The following ADGRL3 variants were observed in gnomAD, a reference collection of about 807,000 sequenced individuals.
ADGRL3 encodes calcium-independent alpha-latrotoxin receptor 3.
In ADGRL3, 62 loss-of-function variants were observed where a neutral mutation model predicts 153.5. That is an observed-to-expected ratio of 0.40 (90% CI 0.33 to 0.50). The LOEUF is 0.50. Ranked by LOEUF, ADGRL3 falls within the 20% of genes least tolerant of loss-of-function variation. The probability of loss-of-function intolerance (pLI) is 0.47; values close to 1 mark genes in which losing one functional copy is unlikely to be tolerated. For synonymous variants in ADGRL3, 710 were observed against 672.5 expected (o/e 1.06, Z -0.86); for missense variants, 1,641 against 1,859.4 (o/e 0.88, Z 2.16).
At chr4:61,951,676 G>A (rs925203159) in intron 17 of ADGRL3, among the ~76,000 whole-genome samples, 15 of 152,064 alleles carry the variant, frequency 9.9e-5, no homozygotes, top group South Asian at 4.2e-4. Flanking sequence ...GACCAGCCTC[G>A]GCAACATGGC....
intron 5 of ADGRL3, among the ~76,000 whole-genome samples, chr4:61,608,951 G>T (rs1204638385): frequency 6.6e-6 from 1 of 152,118 alleles, no homozygotes; most frequent in Non-Finnish European, 1.5e-5. Context: ...GGAATTGCTT[G>T]CTTAAGATTA....
chr4:61,538,582 G>C (rs890992713), intron 4 of ADGRL3, among the ~76,000 whole-genome samples: 2 of 152,110 alleles, frequency 1.3e-5, no homozygotes, highest in Non-Finnish European at 2.9e-5. Context: ...TGGGATTACA[G>C]GCATGCACCA....
At chr4:61,394,860 G>A (rs1317261613) in intron 2 of ADGRL3, among the ~76,000 whole-genome samples, 1 of 152,050 alleles carries the variant, frequency 6.6e-6, no homozygotes, top group Non-Finnish European at 1.5e-5. Flanking sequence ...TGGCTTTGCT[G>A]CCAAAATTCT....
chr4:61,401,188 T>G (rs1002769680), intron 2 of ADGRL3, among the ~76,000 whole-genome samples: 3 of 151,898 alleles, frequency 2.0e-5, no homozygotes, highest in African/African-American at 7.2e-5. Flanking sequence ...ACTTTCATTT[T>G]TATTAAGTTA....
chr4:61,301,276 C>T (rs1471345704), intron 1 of ADGRL3, among the ~76,000 whole-genome samples: 2 of 152,104 alleles, frequency 1.3e-5, no homozygotes, highest in African/African-American at 2.4e-5. Flanking sequence ...AATTCATTTT[C>T]CATTTTTATC....
rs867460900 is a variant in ADGRL3, at chr4:61,371,207, A to C, written c.-239-11917A>C. Among the ~76,000 whole-genome samples the C allele has an allele frequency of 1.3e-4, 20 of 151,636 alleles. 1 individual carries two copies. Among genetic ancestry groups the C allele is most frequent in the African/African-American group, 4.8e-4 (20 of 41,302 alleles). On this transcript the variant is annotated intron_variant, in intron 1 of 26. Transcript: ENST00000683033. Reference sequence around the variant, plus strand: ...CCAATTTGCCAGTCTGTGTCTTTTAATTGGAGGATTTAGTCCATTTACATT... The same window carrying C: ...CCAATTTGCCAGTCTGTGTCTTTTACTTGGAGGATTTAGTCCATTTACATT...
At position 62,037,437 on chromosome 4, in the gene ADGRL3, A is replaced by G. The variant is rs367880239; in HGVS notation, c.3592-294A>G. ...TAGTATCTTCAATGGGCTTAAGTAT[A>G]TGTTCTTGGAACTAAGAGAAAGTAC... On this transcript the variant is annotated intron_variant, in intron 23 of 26. Transcript: ENST00000683033. 9.5e-4 allele frequency among the ~76,000 whole-genome samples: 144 copies of G among 152,180 alleles called. 2 individuals carry two copies. In the South Asian group the frequency reaches 0.028, roughly 29 times the overall value.
At chr4:61,934,742 C>A in intron 13 of ADGRL3, 98 bp from the exon 14 acceptor site, 3 of 853,558 alleles carry the variant, frequency 3.5e-6, no homozygotes, top group Non-Finnish European at 1.9e-6. Flanking sequence ...CATGCACACA[C>A]TGCTGATCCT....
At chr4:61,427,219 A>G (rs572618343) in intron 2 of ADGRL3, 9 of 152,560 alleles carry the variant, frequency 5.9e-5, no homozygotes, top group Admixed American at 1.3e-4. Context: ...CCACATACCC[A>G]TTTCCTGAAT....
At chr4:61,868,114 A>T (rs937488172) in intron 9 of ADGRL3, among the ~76,000 whole-genome samples, 3 of 152,138 alleles carry the variant, frequency 2.0e-5, no homozygotes, top group African/African-American at 7.2e-5. Context: ...GGAGATATAT[A>T]TATGTGTGTG....
chr4:61,305,209 A>G (rs2094732671), intron 1 of ADGRL3, among the ~76,000 whole-genome samples: 1 of 152,100 alleles, frequency 6.6e-6, no homozygotes, highest in Non-Finnish European at 1.5e-5. Flanking sequence ...TCTATAATAA[A>G]TAAGATACAC....
chr4:61,825,279 A>C (rs562356142), intron 9 of ADGRL3, among the ~76,000 whole-genome samples: 1 of 152,308 alleles, frequency 6.6e-6, no homozygotes, highest in African/African-American at 2.4e-5. Context: ...ACAGTGCCTC[A>C]GATTTTCCAA....
At chr4:61,373,221 T>C (rs957054238) in intron 1 of ADGRL3, among the ~76,000 whole-genome samples, 3 of 152,230 alleles carry the variant, frequency 2.0e-5, no homozygotes, top group Admixed American at 1.3e-4. Context: ...AGACCGGAGC[T>C]GTTCCTATTC....
chr4:61,792,464 CTTTATTTA>C lies in ADGRL3; in HGVS notation c.1400-21325_1400-21318del, dbSNP rs1229605320. Among the ~76,000 whole-genome samples, 349 of 149,330 alleles carry C rather than the reference CTTTATTTA, an allele frequency of 2.3e-3. 5 individuals carry two copies. Among genetic ancestry groups the C allele is most frequent in the Non-Finnish European group, 1.3e-3 (90 of 67,642 alleles). On this transcript the variant is annotated intron_variant, in intron 8 of 26. Transcript: ENST00000683033. ...GTATCTAGGAAGTTCCAAACTTTTC[CTTTATTTA>C]TTTATTTATTTATTTATTTTATTAT...
At chr4:61,820,706 T>G (rs2097744446) in intron 9 of ADGRL3, among the ~76,000 whole-genome samples, 1 of 152,346 alleles carries the variant, frequency 6.6e-6, no homozygotes, top group African/African-American at 2.4e-5. Context: ...TTCCCAGTTT[T>G]ACTAAAGTGG....
chr4:61,256,428 T>C (rs1272283378), intron 1 of ADGRL3, among the ~76,000 whole-genome samples: 5 of 152,194 alleles, frequency 3.3e-5, no homozygotes, highest in African/African-American at 2.4e-5. Flanking sequence ...CTGGCTAGAA[T>C]TGATGAAAAC....
At chr4:62,017,154 C>G (rs533981618) in intron 21 of ADGRL3, among the ~76,000 whole-genome samples, 1 of 152,044 alleles carries the variant, frequency 6.6e-6, no homozygotes, top group East Asian at 1.9e-4. Context: ...AAAATTATCT[C>G]TATACTTCTA....
chr4:61,881,976 A>G (rs527326550), intron 9 of ADGRL3, among the ~76,000 whole-genome samples: 3 of 152,314 alleles, frequency 2.0e-5, no homozygotes, highest in African/African-American at 7.2e-5. Flanking sequence ...GAAATCTGTC[A>G]ACTCTGATTC....
intron 2 of ADGRL3, among the ~76,000 whole-genome samples, chr4:61,433,806 T>C (rs1026943778): frequency 6.6e-6 from 1 of 152,160 alleles, no homozygotes; most frequent in Non-Finnish European, 1.5e-5. Flanking sequence ...ACTTAACATT[T>C]CACAAATATT....
Sources: gnomAD v4.1 joint callset for allele counts (sites outside exome capture counted in the v4.1 genomes callset) on GRCh38, gnomAD v4.1.1 for gene constraint, MANE v1.5 for transcripts, NCBI Gene and HGNC (gene_info 2026-07-23, HGNC 2026-07-21) for gene names.